DDX59: variants seen among roughly 807,000 people sequenced by gnomAD.
DDX59 encodes the protein probable ATP-dependent RNA helicase DDX59.
A neutral mutation model predicts 51.9 loss-of-function variants in DDX59; 30 were observed. The observed-to-expected ratio is 0.58, with a 90% confidence interval of 0.43 to 0.78. DDX59 has a LOEUF of 0.78. Ranked by LOEUF, DDX59 falls within the 30% of genes least tolerant of loss-of-function variation. The pLI, the probability that DDX59 is intolerant of heterozygous loss-of-function variation, is 0.00. For missense variants in DDX59, 672 were observed against 730.8 expected (o/e 0.92, Z 0.93); for synonymous variants, 255 against 253.3 (o/e 1.01, Z -0.06).
chr1:200,646,931 C>T (rs1431897858), intron 7 of DDX59, among the ~76,000 whole-genome samples: 1 of 152,022 alleles, frequency 6.6e-6, no homozygotes, highest in Non-Finnish European at 1.5e-5. Context: ...AATGAAGTAC[C>T]GATACGTTCT....
rs192208328 is a variant in DDX59 at position 200,653,353 on chromosome 1, G to A, written c.1063-2677C>T. 2.4e-3 allele frequency among the ~76,000 whole-genome samples: 362 copies of A among 152,198 alleles called. 1 individual carries two copies. The highest frequency in any genetic ancestry group is 8.3e-3 in the African/African-American group (345 of 41,510). On this transcript the variant is annotated intron_variant, in intron 4 of 7. Transcript: ENST00000331314. ...CCCAGAACACATCTCAGGAAACAGCGCCATCAGAAACTCTTATTTCATCTG... is the reference window on the plus strand; with the variant it reads ...CCCAGAACACATCTCAGGAAACAGCACCATCAGAAACTCTTATTTCATCTG...
At chr1:200,661,521 A>G (rs1241726126) in intron 3 of DDX59, among the ~76,000 whole-genome samples, 1 of 152,248 alleles carries the variant, frequency 6.6e-6, no homozygotes, top group Non-Finnish European at 1.5e-5. Context: ...TATTCCTGTC[A>G]AAGACATGTA....
At chr1:200,644,549 T>C (rs374802270) in intron 7 of DDX59, 32 bp from the exon 8 acceptor site, 4 of 1,536,690 alleles carry the variant, frequency 2.6e-6, no homozygotes, top group South Asian at 2.6e-5. Context: ...ATTTTCAAGA[T>C]GTCCATGTAA....
At position 200,656,082 on chromosome 1, in the gene DDX59, G is replaced by A. The variant is rs575334550; in HGVS notation, c.1062+2945C>T. Among the ~76,000 whole-genome samples, 14 of 152,262 alleles carry A rather than the reference G, an allele frequency of 9.2e-5. 1 individual carries two copies. The South Asian group carries it at 2.3e-3, about 25-fold the overall frequency. On this transcript the variant is annotated intron_variant, in intron 4 of 7. Coordinates refer to ENST00000331314, the MANE Select transcript of DDX59 (RefSeq NM_001031725.6). ...TGACCTCAGGTGATCCGCCCACCTC[G>A]GCCTCCCAAAGTACTGGGATTACAG...
intron 1 of DDX59, among the ~76,000 whole-genome samples, chr1:200,668,670 C>A (rs1181624356): frequency 2.0e-5 from 3 of 152,172 alleles, no homozygotes; most frequent in East Asian, 3.8e-4. Context: ...GTGAGAATTC[C>A]CATCTCCCCT....
At chr1:200,646,343 C>T (rs1003931969) in intron 7 of DDX59, among the ~76,000 whole-genome samples, 3 of 151,100 alleles carry the variant, frequency 2.0e-5, no homozygotes, top group African/African-American at 7.3e-5. Flanking sequence ...CTTAAAAAAA[C>T]AAACAAACAA....
chr1:200,666,758 A>G lies in DDX59; in HGVS notation c.-11-7T>C, dbSNP rs763795509. 10 of 1,591,018 alleles carry G rather than the reference A, an allele frequency of 6.3e-6. No homozygotes were observed. Among genetic ancestry groups the G allele is most frequent in the Non-Finnish European group, 8.6e-6 (10 of 1,167,938 alleles). The stretch of plus-strand genomic sequence containing the variant: ...ACAAACATCCTTCAATATTCTGTTA[A>G]GGAAATTATATAATGAGATTTATTG... On this transcript the variant is annotated splice_region_variant and splice_polypyrimidine_tract_variant and intron_variant, in intron 1 of 7. Coordinates refer to ENST00000331314, the MANE Select transcript of DDX59 (RefSeq NM_001031725.6).
intron 2 of DDX59, among the ~76,000 whole-genome samples, chr1:200,665,483 C>CA (rs369902325): frequency 0.029 from 2,546 of 87,692 alleles, 105 homozygotes; most frequent in East Asian, 0.19. Context: ...AACTCGGTCC[C>CA]AAAAAAAGAA....
At chr1:200,669,513 T>A (rs1464733884) in intron 1 of DDX59, 4 of 152,276 alleles carry the variant, frequency 2.6e-5, no homozygotes, top group African/African-American at 9.7e-5. Flanking sequence ...CCCCGTGCAC[T>A]GGCGGGCCCT....
intron 4 of DDX59, among the ~76,000 whole-genome samples, chr1:200,651,865 G>A (rs1449098501): frequency 6.6e-6 from 1 of 151,926 alleles, no homozygotes; most frequent in African/African-American, 2.4e-5. Context: ...AAAATTAGCC[G>A]GGCATGGTGG....
At chr1:200,642,893 G>C (rs929833020), downstream of DDX59, among the ~76,000 whole-genome samples, 4 of 152,130 alleles carry the variant, frequency 2.6e-5, no homozygotes, top group African/African-American at 9.7e-5. Flanking sequence ...AGTGAGAGCT[G>C]GCAGAACATG....
Position 200,644,509 on chromosome 1 carries a change from T to A in DDX59, c.1605A>T (p.Arg535Ser), listed in dbSNP as rs112379607. Residue 535 changes from arginine (R) to serine (S), a missense_variant, in exon 8 of 8, where the codon AGA becomes AGT. Coordinates refer to ENST00000331314, the MANE Select transcript of DDX59 (RefSeq NM_001031725.6). ...SMDEYVHQIG[R>S]VGRLGQNGTA... ...TTCCATTTTGACCTAATCTTCCTAC[T>A]CTTCCAATCTGAAATAAAATGCAAA... 6.4e-7 allele frequency: 1 copy of A among 1,569,730 alleles called. No homozygotes were observed. Among genetic ancestry groups the A allele is most frequent in the Non-Finnish European group, 8.6e-7 (1 of 1,160,548 alleles).
At chr1:200,665,226 C>A (rs1413197901) in intron 2 of DDX59, among the ~76,000 whole-genome samples, 2 of 152,088 alleles carry the variant, frequency 1.3e-5, no homozygotes, top group Admixed American at 6.6e-5. Flanking sequence ...GAAGCTGAGG[C>A]GGTTGGATTA....
At position 200,669,895 on chromosome 1, in the gene DDX59, T is replaced by TGAGGGGCGGA. The variant is rs1553272163; in HGVS notation, c.-141_-140insTCCGCCCCTC. 1 of 122,182 alleles carries TGAGGGGCGGA rather than the reference T, an allele frequency of 8.2e-6. No individual in the cohort carries two copies. Among genetic ancestry groups the TGAGGGGCGGA allele is most frequent in the African/African-American group, 2.7e-5 (1 of 37,258 alleles). The allele number at this position is 122,182 out of a possible 1,614,324, so 7.6% of individuals were successfully genotyped here. A position where few individuals can be genotyped will look rare whatever the true frequency, so the allele number is the denominator to read the frequency against. On this transcript the variant is annotated 5_prime_UTR_variant, in exon 1 of 8. Transcript: ENST00000331314. ...CAGGACTGCGGCCCGGGGTTGGTGG[T>TGAGGGGCGGA]GCGGAGCGGAGCGGAGCGGAGCGTA...
At chr1:200,651,877 G>A (rs1661683295) in intron 4 of DDX59, among the ~76,000 whole-genome samples, 1 of 151,860 alleles carries the variant, frequency 6.6e-6, no homozygotes, top group South Asian at 2.1e-4. Flanking sequence ...GCATGGTGGC[G>A]GGTGCCTATA....
chr1:200,652,135 A>G (rs568526654), intron 4 of DDX59, among the ~76,000 whole-genome samples: 1 of 152,046 alleles, frequency 6.6e-6, no homozygotes, highest in African/African-American at 2.4e-5. Flanking sequence ...ATTCAGGATA[A>G]TTCTTTTAAA....
At chr1:200,657,854 T>C (rs974387795) in intron 4 of DDX59, among the ~76,000 whole-genome samples, 5 of 151,470 alleles carry the variant, frequency 3.3e-5, no homozygotes, top group Admixed American at 3.3e-4. Context: ...GAGGTGGAGG[T>C]TGCAGTGAGC....
At chr1:200,643,990 C>A (rs1661131902), downstream of DDX59, 1 of 354,028 alleles carries the variant, frequency 2.8e-6, no homozygotes, top group Non-Finnish European at 4.0e-6. Context: ...CTGGTTCTGA[C>A]AGTAGCTCTG....
chr1:200,654,429 C>A (rs1571627228), intron 4 of DDX59: 1 of 151,484 alleles, frequency 6.6e-6, no homozygotes. Context: ...GGAAAAAAAA[C>A]AAAAGGATCA....
Sources: allele counts gnomAD v4.1 joint callset (sites outside exome capture counted in the v4.1 genomes callset), GRCh38; gene constraint gnomAD v4.1.1; transcripts MANE v1.5; gene names NCBI Gene and HGNC (gene_info 2026-07-23, HGNC 2026-07-21).